SPATA16: variants seen among roughly 807,000 people sequenced by gnomAD.
The protein encoded by SPATA16 is spermatogenesis associated 16.
A neutral mutation model predicts 63.3 loss-of-function variants in SPATA16; 36 were observed. The ratio of observed to expected loss-of-function variants is 0.57; its 90% CI spans 0.44 to 0.75. The LOEUF is 0.75. Among genes scored for constraint, SPATA16 ranks in the 30% least tolerant of loss-of-function variants. SPATA16 has a pLI of 0.00. For missense variants in SPATA16, 646 were observed against 679.3 expected (o/e 0.95, Z 0.54); for synonymous variants, 203 against 216.7 (o/e 0.94, Z 0.56).
chr3:173,006,446 C>CA (rs896394057), intron 4 of SPATA16, among the ~76,000 whole-genome samples: 1 of 152,016 alleles, frequency 6.6e-6, no homozygotes, highest in African/African-American at 2.4e-5. Flanking sequence ...TTATTTTAAC[C>CA]AAAAAAATCT....
At chr3:173,050,135 CTT>C (rs1736051902) in intron 2 of SPATA16, among the ~76,000 whole-genome samples, 2 of 152,084 alleles carry the variant, frequency 1.3e-5, no homozygotes, top group South Asian at 2.1e-4. Context: ...TAGGTTAAGT[CTT>C]GAGACGGTTT....
At chr3:172,950,743 CAA>C (rs1274336233) in intron 6 of SPATA16, among the ~76,000 whole-genome samples, 1 of 151,982 alleles carries the variant, frequency 6.6e-6, no homozygotes, top group Admixed American at 6.5e-5. Context: ...TAATTTAAAA[CAA>C]TATATTATTT....
intron 4 of SPATA16, among the ~76,000 whole-genome samples, chr3:173,003,917 A>G (rs1734882528): frequency 6.6e-6 from 1 of 152,152 alleles, no homozygotes; most frequent in African/African-American, 2.4e-5. Context: ...ATATATTATT[A>G]TCTCCATTAT....
At chr3:173,035,097 A>G (rs1735685780) in intron 3 of SPATA16, among the ~76,000 whole-genome samples, 1 of 152,164 alleles carries the variant, frequency 6.6e-6, no homozygotes, top group South Asian at 2.1e-4. Flanking sequence ...TAATGACAAC[A>G]GCATATATTG....
At chr3:173,072,981 A>C (rs1736708511) in intron 2 of SPATA16, among the ~76,000 whole-genome samples, 1 of 152,188 alleles carries the variant, frequency 6.6e-6, no homozygotes, top group South Asian at 2.1e-4. Flanking sequence ...GATGGAGATG[A>C]GGAAATTGTT....
intron 6 of SPATA16, among the ~76,000 whole-genome samples, chr3:172,945,885 G>C (rs191808743): frequency 1.9e-4 from 29 of 152,248 alleles, no homozygotes; most frequent in East Asian, 1.7e-3. Context: ...TGGGGTACAT[G>C]ACACTAGGGA....
At chr3:172,971,039 A>G (rs1734035423) in intron 5 of SPATA16, among the ~76,000 whole-genome samples, 2 of 152,198 alleles carry the variant, frequency 1.3e-5, no homozygotes, top group East Asian at 3.9e-4. Context: ...TTTATTGTAC[A>G]TGATTCTCTG....
chr3:172,966,253 A>G (rs569273711), intron 5 of SPATA16, among the ~76,000 whole-genome samples: 293 of 152,370 alleles, frequency 1.9e-3, no homozygotes, highest in African/African-American at 6.4e-3. Flanking sequence ...TTCTCTGTCC[A>G]GTCTCTGGTT....
intron 5 of SPATA16, among the ~76,000 whole-genome samples, chr3:172,973,079 C>T (rs1734082866): frequency 1.3e-5 from 2 of 152,140 alleles, no homozygotes; most frequent in African/African-American, 4.8e-5. Flanking sequence ...CCGTTATTGA[C>T]ATTAAAATGA....
intron 3 of SPATA16, among the ~76,000 whole-genome samples, chr3:173,026,073 G>T (rs750354346): frequency 2.0e-5 from 3 of 151,942 alleles, no homozygotes; most frequent in Non-Finnish European, 2.9e-5. Flanking sequence ...TTGCATCGTC[G>T]CCAGAACTGG....
intron 5 of SPATA16, among the ~76,000 whole-genome samples, chr3:172,959,129 G>C (rs1007569092): frequency 6.6e-6 from 1 of 152,158 alleles, no homozygotes; most frequent in African/African-American, 2.4e-5. Flanking sequence ...CTTCCAGAAA[G>C]ATATTAGTGA....
chr3:173,092,655 C>A (rs1291674869), intron 2 of SPATA16, among the ~76,000 whole-genome samples: 1 of 152,004 alleles, frequency 6.6e-6, no homozygotes, highest in African/African-American at 2.4e-5. Flanking sequence ...TAGAGTCTAC[C>A]CAAGGAATTT....
At chr3:173,088,070 CT>C (rs1398295795) in intron 2 of SPATA16, among the ~76,000 whole-genome samples, 23 of 105,442 alleles carry the variant, frequency 2.2e-4, no homozygotes. Context: ...TTCTTTCTTT[CT>C]TTCTTTCTGT....
chr3:172,978,105 C>G (rs1419257729), intron 4 of SPATA16, among the ~76,000 whole-genome samples: 6 of 151,696 alleles, frequency 4.0e-5, no homozygotes, highest in Non-Finnish European at 7.4e-5. Flanking sequence ...ATACCACCAA[C>G]TGGAGGATTA....
chr3:172,900,797 C>G (rs562155178), intron 10 of SPATA16, among the ~76,000 whole-genome samples: 1 of 151,804 alleles, frequency 6.6e-6, no homozygotes, highest in Admixed American at 6.6e-5. Context: ...CATGCCACCA[C>G]GCCCAGCTAA....
rs1275491259 is a variant in SPATA16, at chr3:173,050,805, A to G, written c.613-1711T>C. ...TTAGCAAAGACTATTTGTGGAAGAT[A>G]CACTGGAAATGACCTCAGTCAGTGC... On this transcript the variant is annotated intron_variant, in intron 2 of 10. Transcript: ENST00000351008. Among the ~76,000 whole-genome samples, 6 of 152,352 alleles carry G rather than the reference A, an allele frequency of 3.9e-5. No individual in the cohort carries two copies. In the East Asian group the frequency reaches 5.8e-4, roughly 15 times the overall value.
rs1036038106 is a variant in SPATA16 at position 173,103,728 on chromosome 3, G to A, written c.612+13392C>T. Among the ~76,000 whole-genome samples the A allele has an allele frequency of 6.6e-5, 10 of 152,284 alleles. No individual in the cohort carries two copies. In the East Asian group the frequency reaches 1.7e-3, roughly 26 times the overall value. The stretch of plus-strand genomic sequence containing the variant: ...ACAAAGATCTCTGATAAGTTTTTGA[G>A]GCCTTTCCCCCATTTTCTTGGCTAT... On this transcript the variant is annotated intron_variant, in intron 2 of 10. Coordinates refer to ENST00000351008, the MANE Select transcript of SPATA16 (RefSeq NM_031955.6).
intron 2 of SPATA16, among the ~76,000 whole-genome samples, chr3:173,086,215 T>G (rs933094968): frequency 3.3e-5 from 5 of 152,170 alleles, no homozygotes; most frequent in African/African-American, 9.6e-5. Flanking sequence ...CAGAACTTGT[T>G]ATTTGTCTAT....
rs1158355309 is a variant in SPATA16, at chr3:173,056,636, G to A, written c.613-7542C>T. Among the ~76,000 whole-genome samples the A allele has an allele frequency of 6.9e-5, 10 of 145,872 alleles. No individual in the cohort carries two copies. The East Asian group carries it at 1.7e-3, about 25-fold the overall frequency. On this transcript the variant is annotated intron_variant, in intron 2 of 10. Coordinates refer to ENST00000351008, the MANE Select transcript of SPATA16 (RefSeq NM_031955.6). The stretch of plus-strand genomic sequence containing the variant: ...GAAGAATCTCTTGAACCCAGGAGGC[G>A]GAGGTTGCAGTAAGCCGAGATAGTG...
Sources: gnomAD v4.1 joint callset for allele counts (sites outside exome capture counted in the v4.1 genomes callset) on GRCh38, gnomAD v4.1.1 for gene constraint, MANE v1.5 for transcripts, NCBI Gene and HGNC (gene_info 2026-07-23, HGNC 2026-07-21) for gene names.